The following ZNF722 variants were observed in gnomAD, a reference collection of about 807,000 sequenced individuals.
ZNF722 encodes zinc finger protein 722, also known as zinc finger protein 479 pseudogene.
At chr7:64,002,234 T>C in the ZNF722 span, among the ~76,000 whole-genome samples, 1 of 152,170 alleles carries the variant, frequency 6.6e-6, no homozygotes, top group Non-Finnish European at 1.5e-5. Context: ...TTTTGGTTAT[T>C]TTTTGTCTTT....
chr7:64,010,369 T>A, the ZNF722 span, among the ~76,000 whole-genome samples: 1 of 152,334 alleles, frequency 6.6e-6, no homozygotes, highest in South Asian at 2.1e-4. Context: ...TGCTTTCTCT[T>A]GTGGGCATTT....
the ZNF722 span, among the ~76,000 whole-genome samples, chr7:64,012,172 C>T: frequency 6.6e-6 from 1 of 152,168 alleles, no homozygotes; most frequent in Non-Finnish European, 1.5e-5. Flanking sequence ...AGCCATTCAT[C>T]TAATCTTTTT....
chr7:64,007,186 G>C, the ZNF722 span, among the ~76,000 whole-genome samples: 2 of 147,930 alleles, frequency 1.4e-5, no homozygotes, highest in African/African-American at 5.1e-5. Flanking sequence ...TATTAATTTT[G>C]TGCAACCTTT....
chr7:64,004,426 ATATATATAT>A, the ZNF722 span, among the ~76,000 whole-genome samples: 46 of 47,648 alleles, frequency 9.7e-4, no homozygotes, highest in Middle Eastern at 0.012. Context: ...AAAAAAAAAA[ATATATATAT>A]ATATATATAT....
At chr7:64,003,542 C>A in the ZNF722 span, among the ~76,000 whole-genome samples, 498 of 152,266 alleles carry the variant, frequency 3.3e-3, 1 homozygote, top group African/African-American at 0.011. Context: ...AGTGTCCACT[C>A]TGCCTTTTGG....
the ZNF722 span, chr7:64,015,488 C>T: frequency 6.2e-6 from 10 of 1,612,464 alleles, no homozygotes; most frequent in Non-Finnish European, 7.6e-6. Context: ...AGAAACCCTA[C>T]AGATGTGAGG....
the ZNF722 span, among the ~76,000 whole-genome samples, chr7:64,004,781 G>A: frequency 2.6e-5 from 4 of 152,048 alleles, no homozygotes; most frequent in Non-Finnish European, 5.9e-5. Flanking sequence ...ACAGGTGAGA[G>A]AAACTGGGAA....
the ZNF722 span, among the ~76,000 whole-genome samples, chr7:64,016,672 G>T: frequency 6.6e-6 from 1 of 152,080 alleles, no homozygotes; most frequent in Admixed American, 6.6e-5. Flanking sequence ...AATTGATATT[G>T]GAGAGAACCC....
chr7:64,003,411 C>T, the ZNF722 span, among the ~76,000 whole-genome samples: 3 of 152,102 alleles, frequency 2.0e-5, no homozygotes, highest in Admixed American at 2.0e-4. Flanking sequence ...GCTTTAAAGG[C>T]ATATTCTCAA....
the ZNF722 span, chr7:64,015,554 T>C: frequency 6.2e-7 from 1 of 1,613,606 alleles, no homozygotes; most frequent in Non-Finnish European, 8.5e-7. Flanking sequence ...AGAGAATTCA[T>C]ACTGGAGAGA....
At chr7:64,008,601 A>T in the ZNF722 span, among the ~76,000 whole-genome samples, 1 of 152,036 alleles carries the variant, frequency 6.6e-6, no homozygotes, top group Non-Finnish European at 1.5e-5. Flanking sequence ...CCATTGGTCT[A>T]TATCTCTGTT....
At chr7:64,000,119 CTTTT>C in the ZNF722 span, among the ~76,000 whole-genome samples, 1 of 142,746 alleles carries the variant, frequency 7.0e-6, no homozygotes, top group South Asian at 2.3e-4. Context: ...TTTTCCCTTA[CTTTT>C]TTTTTTTTTT....
chr7:64,006,364 C>G, the ZNF722 span: 1 of 1,165,646 alleles, frequency 8.6e-7, no homozygotes, highest in East Asian at 2.7e-5. Flanking sequence ...GAGAGATACA[C>G]AAATCAACAA....
At chr7:64,015,384 C>A in the ZNF722 span, 3 of 1,519,286 alleles carry the variant, frequency 2.0e-6, no homozygotes, top group Non-Finnish European at 2.7e-6. Flanking sequence ...TCAGATAATT[C>A]ATACTAAGGA....
chr7:64,015,031 C>G, the ZNF722 span: 1 of 1,312,488 alleles, frequency 7.6e-7, no homozygotes, highest in African/African-American at 1.4e-5. Context: ...CTTTCAGTTA[C>G]GTGTTCTCAT....
At chr7:64,013,697 A>AATTTT in the ZNF722 span, among the ~76,000 whole-genome samples, 1 of 151,978 alleles carries the variant, frequency 6.6e-6, no homozygotes, top group African/African-American at 2.4e-5. Context: ...AATGCCACGG[A>AATTTT]ATTTTATTTT....
the ZNF722 span, chr7:64,014,970 A>G: frequency 8.6e-7 from 1 of 1,162,236 alleles, no homozygotes. Flanking sequence ...TTCGATTTGT[A>G]AAGTATATTC....
the ZNF722 span, among the ~76,000 whole-genome samples, chr7:64,003,068 G>A: frequency 1.3e-5 from 2 of 152,322 alleles, no homozygotes; most frequent in East Asian, 3.9e-4. Flanking sequence ...AGATTACCAA[G>A]TGATTTATAA....
the ZNF722 span, among the ~76,000 whole-genome samples, chr7:64,010,515 A>T: frequency 7.9e-5 from 12 of 152,306 alleles, no homozygotes; most frequent in African/African-American, 2.4e-4. Context: ...GTAGTCATTC[A>T]GGAGCAGGTT....
Sources: allele counts gnomAD v4.1 joint callset (sites outside exome capture counted in the v4.1 genomes callset), GRCh38; gene constraint gnomAD v4.1.1; transcripts MANE v1.5; gene names NCBI Gene and HGNC (gene_info 2026-07-23, HGNC 2026-07-21).